The following PEX1 variants were observed in gnomAD, a reference collection of about 807,000 sequenced individuals.
The protein encoded by PEX1 is peroxisomal biogenesis factor 1.
A neutral mutation model predicts 152.5 loss-of-function variants in PEX1; 97 were observed. The ratio of observed to expected loss-of-function variants is 0.64; its 90% CI spans 0.54 to 0.75. The LOEUF (loss-of-function observed/expected upper bound fraction) is 0.75, where lower values mean the gene tolerates loss of function less well. Among genes scored for constraint, PEX1 ranks in the 30% least tolerant of loss-of-function variants. PEX1 has a pLI of 0.00. For missense variants in PEX1, 1,357 were observed against 1,516.3 expected, an observed-to-expected ratio of 0.89 and a Z score of 1.74; for synonymous variants, 485 against 531.6, an observed-to-expected ratio of 0.91 and a Z score of 1.21.
rs753160050 is a variant in PEX1, at chr7:92,521,221, C to G, written c.273+881G>C. Among the ~76,000 whole-genome samples, 5 of 152,328 alleles carry G rather than the reference C, an allele frequency of 3.3e-5. No homozygotes were observed. In the South Asian group the frequency reaches 8.3e-4, roughly 25 times the overall value. On this transcript the variant is annotated intron_variant, in intron 2 of 23. Transcript: ENST00000248633. ...CCTCAAGTGGTCCTCCCACCTTGGC[C>G]TCCCAAAGCACTGGGATTACAGGCA...
intron 20 of PEX1, chr7:92,491,726 C>T (rs1432469319): frequency 8.1e-6 from 4 of 492,898 alleles, no homozygotes; most frequent in Non-Finnish European, 1.1e-5. Flanking sequence ...AACCATCCCC[C>T]AAGAAAGTCT....
At chr7:92,502,193 T>A in intron 13 of PEX1, 114 bp from the exon 14 acceptor site, 1 of 745,896 alleles carries the variant, frequency 1.3e-6, no homozygotes, top group Non-Finnish European at 2.3e-6. Context: ...AGCAAATTGG[T>A]AGTTGTCTGG....
intron 17 of PEX1, 74 bp downstream of exon 17, chr7:92,496,639 C>T: frequency 1.0e-6 from 1 of 1,002,370 alleles, no homozygotes; most frequent in Admixed American, 1.7e-5. Flanking sequence ...CTTCAAAAAA[C>T]AAGACCAAAA....
rs1790972508 is a variant in PEX1, at chr7:92,487,299, A to T, written c.*158T>A. 1.9e-6 allele frequency: 1 copy of T among 537,252 alleles called. No homozygotes were observed. Among genetic ancestry groups the T allele is most frequent in the East Asian group, 3.0e-5 (1 of 33,220 alleles). The allele number at this position is 537,252 out of a possible 1,614,324, so 33.3% of individuals were successfully genotyped here. ...TACTACAGTATTAATCTCAATCCTG[A>T]TCATTACATAATTATAGCATTTACC... is the stretch of plus-strand genomic sequence containing the variant. On this transcript the variant is annotated 3_prime_UTR_variant, in exon 24 of 24. Coordinates refer to ENST00000248633, the MANE Select transcript of PEX1 (RefSeq NM_000466.3).
At chr7:92,522,682 A>G (rs1405284361) in intron 1 of PEX1, among the ~76,000 whole-genome samples, 1 of 152,242 alleles carries the variant, frequency 6.6e-6, no homozygotes, top group Non-Finnish European at 1.5e-5. Flanking sequence ...AAATTATTAA[A>G]TAAGATATAA....
chr7:92,528,167 G>A, intron 1 of PEX1, 140 bp downstream of exon 1: 1 of 1,067,418 alleles, frequency 9.4e-7, no homozygotes, highest in Non-Finnish European at 1.4e-6. Flanking sequence ...ACCCAGAAGG[G>A]CCCTGCCGTC....
Position 92,504,718 on chromosome 7 carries a change from G to T in PEX1, c.2071+14C>A. 6.2e-7 allele frequency: 1 copy of T among 1,612,942 alleles called. No individual in the cohort carries two copies. The highest frequency in any genetic ancestry group is 8.5e-7 in the Non-Finnish European group (1 of 1,179,320). ...AAAAGAACAAGACCTTAAGCCAGTG[G>T]TGGATGCATTTACCATGAGCAAGCC... On this transcript the variant is annotated intron_variant, in intron 12 of 23. Coordinates refer to ENST00000248633, the MANE Select transcript of PEX1 (RefSeq NM_000466.3).
chr7:92,528,079 A>G (rs1248762292), intron 1 of PEX1, among the ~76,000 whole-genome samples: 1 of 152,268 alleles, frequency 6.6e-6, no homozygotes, highest in Non-Finnish European at 1.5e-5. Context: ...GGACGTTTCT[A>G]GGTTCAGTTT....
At chr7:92,502,997 A>T (rs2116154952) in intron 13 of PEX1, 44 bp downstream of exon 13, 12 of 1,528,748 alleles carry the variant, frequency 7.8e-6, no homozygotes, top group Non-Finnish European at 1.0e-5. Context: ...AATAATTTCT[A>T]TAAAAGGGAC....
chr7:92,524,504 T>G (rs1793181731), intron 1 of PEX1, among the ~76,000 whole-genome samples: 2 of 152,002 alleles, frequency 1.3e-5, no homozygotes. Context: ...TGACCTCAGG[T>G]GATCTGCCTG....
chr7:92,496,489 A>T (rs941346517), intron 17 of PEX1, among the ~76,000 whole-genome samples: 1 of 152,202 alleles, frequency 6.6e-6, no homozygotes, highest in African/African-American at 2.4e-5. Context: ...CACTTTGAGG[A>T]GTATTTCTAT....
intron 22 of PEX1, 120 bp downstream of exon 22, chr7:92,489,594 T>C (rs1426579278): frequency 2.1e-5 from 22 of 1,028,562 alleles, no homozygotes; most frequent in Non-Finnish European, 3.3e-5. Context: ...ACTGAGTTAA[T>C]GTGTTCTGGT....
At position 92,528,420 on chromosome 7, in the gene PEX1, G is replaced by A; in HGVS notation, c.16C>T (p.Arg6Cys). ...CCGCCTCCCCCAGCACCCGCCAGGC[G>A]ATCGCTGCCCCACATCGTCCCGGAG... MWGSD[R>C]LAGAGGGGAA... Residue 6 changes from arginine (R) to cysteine (C), a missense_variant, in exon 1 of 24, where the codon CGC (arginine) becomes TGC (cysteine). Coordinates refer to ENST00000248633, the MANE Select transcript of PEX1 (RefSeq NM_000466.3). The A allele has an allele frequency of 1.9e-6, 3 of 1,595,008 alleles. No homozygotes were observed. Among genetic ancestry groups the A allele is most frequent in the Non-Finnish European group, 2.6e-6 (3 of 1,172,400 alleles).
rs1792471058 is a variant in PEX1, at chr7:92,511,641, A to G, written c.1422T>C (p.Thr474=). 6.2e-7 allele frequency: 1 copy of G among 1,611,512 alleles called. No homozygotes were observed. Among genetic ancestry groups the G allele is most frequent in the Non-Finnish European group, 8.5e-7 (1 of 1,177,908 alleles). ...TVFYSWLQQS[T]TTMLPLVISE... is the part of the protein sequence containing the mutation. Reference sequence around the variant, plus strand: ...ATATTACCAAAGGAAGCATGGTGGTAGTAGACTGCTGTAGCCATGAATAAA... The same window carrying G: ...ATATTACCAAAGGAAGCATGGTGGTGGTAGACTGCTGTAGCCATGAATAAA... The change falls in exon 7 of 24, where the codon ACT becomes ACC. Residue 474 remains threonine, a synonymous_variant. Coordinates refer to ENST00000248633, the MANE Select transcript of PEX1 (RefSeq NM_000466.3).
chr7:92,498,046 C>T (rs1022097631), intron 16 of PEX1, among the ~76,000 whole-genome samples: 1 of 117,732 alleles, frequency 8.5e-6, no homozygotes, highest in Non-Finnish European at 1.7e-5. Context: ...AGCCTGGTAA[C>T]ACAACAAGAC....
At position 92,499,722 on chromosome 7, in the gene PEX1, C is replaced by G; in HGVS notation, c.2700G>C (p.Met900Ile). The G allele has an allele frequency of 6.2e-7, 1 of 1,613,100 alleles. No homozygotes were observed. The change falls in exon 16 of 24, where the codon ATG becomes ATC. Residue 900 changes from methionine to isoleucine, a missense_variant. By Grantham distance (10) the Met-to-Ile change is conservative (BLOSUM62 1). Transcript: ENST00000248633. Reference protein sequence around the residue: ...LAGVIARESRMNFISVKGPEL... With the variant: ...LAGVIARESRINFISVKGPEL... ...AACATACCTTGACACTTATAAAATTCATTCTACTCTCTCGTGCAATTACCC... is the reference window on the plus strand; with the variant it reads ...AACATACCTTGACACTTATAAAATTGATTCTACTCTCTCGTGCAATTACCC...
intron 9 of PEX1, 35 bp downstream of exon 9, chr7:92,509,294 A>G: frequency 7.2e-7 from 1 of 1,381,036 alleles, no homozygotes; most frequent in Non-Finnish European, 1.0e-6. Flanking sequence ...TGTTAAAAAC[A>G]TGTCTAACAT....
chr7:92,511,853 G>A, intron 6 of PEX1, 150 bp from the exon 7 acceptor site: 1 of 719,794 alleles, frequency 1.4e-6, no homozygotes, highest in Non-Finnish European at 2.3e-6. Context: ...ACAGGTCTGG[G>A]ATTTGACATT....
rs2116077430 is a variant in PEX1 at position 92,493,003 on chromosome 7, TGTAAA to T, written c.3152_3156del (p.Leu1051GlnfsTer24). 1 of 1,613,952 alleles carries T rather than the reference TGTAAA, an allele frequency of 6.2e-7. No homozygotes were observed. Among genetic ancestry groups the T allele is most frequent in the Non-Finnish European group, 8.5e-7 (1 of 1,179,870 alleles). On this transcript the variant is annotated frameshift_variant, in exon 20 of 24. Coordinates refer to ENST00000248633, the MANE Select transcript of PEX1 (RefSeq NM_000466.3). LOFTEE classifies it high-confidence loss of function. ...CCATGTAAGGCCTCCAATTGGGCAT[TGTAAA>T]GTAAAGCTTTCAGATCAGCTCCAGT...
Sources: allele counts gnomAD v4.1 joint callset (sites outside exome capture counted in the v4.1 genomes callset), GRCh38; gene constraint gnomAD v4.1.1; transcripts MANE v1.5; gene names NCBI Gene and HGNC (gene_info 2026-07-23, HGNC 2026-07-21).